Variants in SPOCK1 observed in about 807,000 individuals in gnomAD.
The protein encoded by SPOCK1 is SPARC (osteonectin), cwcv and kazal like domains proteoglycan 1, also known as testican-1.
Under a neutral mutation model 55.3 loss-of-function variants are expected in SPOCK1, and 23 were observed. The observed-to-expected ratio is 0.42, with a 90% CI of 0.30 to 0.59. The LOEUF (loss-of-function observed/expected upper bound fraction) is 0.59, where lower values mean the gene tolerates loss of function less well. SPOCK1 is among the 20% of genes least tolerant of loss of function. SPOCK1 has a pLI of 0.22. For missense variants in SPOCK1, 499 were observed against 552.5 expected, an observed-to-expected ratio of 0.90 and a Z score of 0.97; for synonymous variants, 226 against 221.0, an observed-to-expected ratio of 1.02 and a Z score of -0.20.
intron 2 of SPOCK1, among the ~76,000 whole-genome samples, chr5:137,269,907 C>T (rs1756928269): frequency 6.6e-6 from 1 of 151,792 alleles, no homozygotes; most frequent in Non-Finnish European, 1.5e-5. Flanking sequence ...GTGGCAGAGC[C>T]AGGCTTTTAA....
At chr5:137,421,775 T>C (rs542073758) in intron 2 of SPOCK1, among the ~76,000 whole-genome samples, 4 of 152,366 alleles carry the variant, frequency 2.6e-5, no homozygotes, top group South Asian at 4.1e-4. Context: ...TGTCTTTTCA[T>C]TGGAGCATTT....
At chr5:137,132,703 A>AT (rs1333755061) in intron 4 of SPOCK1, among the ~76,000 whole-genome samples, 1 of 152,236 alleles carries the variant, frequency 6.6e-6, no homozygotes, top group Non-Finnish European at 1.5e-5. Context: ...TCTCCTACAG[A>AT]TAAAACATGG....
chr5:137,034,757 A>G (rs953792904), intron 6 of SPOCK1, among the ~76,000 whole-genome samples: 3 of 152,128 alleles, frequency 2.0e-5, no homozygotes, highest in African/African-American at 7.3e-5. Flanking sequence ...CAGTCCAAAC[A>G]GGAGCCATGT....
chr5:137,433,711 G>A (rs1358048320), intron 2 of SPOCK1, among the ~76,000 whole-genome samples: 1 of 152,170 alleles, frequency 6.6e-6, no homozygotes, highest in Non-Finnish European at 1.5e-5. Context: ...GCTCCCAGAT[G>A]GAATCCAACC....
At chr5:137,417,998 C>G (rs1041770570) in intron 2 of SPOCK1, among the ~76,000 whole-genome samples, 1 of 152,112 alleles carries the variant, frequency 6.6e-6, no homozygotes, top group African/African-American at 2.4e-5. Flanking sequence ...TGTTCCCCTT[C>G]CTGTGTCCAT....
chr5:137,214,550 C>T (rs1280083197), intron 3 of SPOCK1, among the ~76,000 whole-genome samples: 1 of 151,996 alleles, frequency 6.6e-6, no homozygotes, highest in Non-Finnish European at 1.5e-5. Context: ...TCAACAACAA[C>T]GATGTCAGAT....
intron 2 of SPOCK1, among the ~76,000 whole-genome samples, chr5:137,487,266 C>T (rs1339840850): frequency 7.0e-6 from 1 of 143,320 alleles, no homozygotes; most frequent in East Asian, 2.2e-4. Context: ...GGTTGATGCT[C>T]ATAAATTTTC....
intron 3 of SPOCK1, among the ~76,000 whole-genome samples, chr5:137,206,954 G>T (rs557906121): frequency 3.9e-5 from 6 of 152,356 alleles, no homozygotes; most frequent in Admixed American, 6.5e-5. Flanking sequence ...TTTGAAATCA[G>T]CCAGGTGATT....
At chr5:137,218,873 A>G (rs1022802962) in intron 3 of SPOCK1, among the ~76,000 whole-genome samples, 2 of 152,202 alleles carry the variant, frequency 1.3e-5, no homozygotes, top group African/African-American at 4.8e-5. Flanking sequence ...ACCTGGGCAG[A>G]GGCGGCATGG....
chr5:137,180,471 C>G (rs1482263589), intron 3 of SPOCK1, among the ~76,000 whole-genome samples: 1 of 151,972 alleles, frequency 6.6e-6, no homozygotes, highest in East Asian at 1.9e-4. Flanking sequence ...CATTAGTATC[C>G]CATTTCACAG....
intron 6 of SPOCK1, among the ~76,000 whole-genome samples, chr5:137,062,525 A>AAATAATAATAAT (rs71583272): frequency 3.7e-3 from 527 of 143,458 alleles, no homozygotes; most frequent in African/African-American, 3.2e-3. Context: ...CAAGCATTAT[A>AAATAATAATAAT]AATAATAATA....
intron 2 of SPOCK1, among the ~76,000 whole-genome samples, chr5:137,418,666 A>T (rs1182370169): frequency 6.6e-6 from 1 of 151,750 alleles, no homozygotes; most frequent in African/African-American, 2.4e-5. Flanking sequence ...TTTTCTTATA[A>T]ATTTGTTTGA....
intron 4 of SPOCK1, among the ~76,000 whole-genome samples, chr5:137,137,463 T>C (rs897903112): frequency 1.3e-5 from 2 of 152,196 alleles, no homozygotes; most frequent in African/African-American, 4.8e-5. Context: ...GACTGAGTAA[T>C]TCAGCCTCTA....
chr5:137,268,588 A>G (rs1272969218), intron 2 of SPOCK1, among the ~76,000 whole-genome samples: 1 of 152,222 alleles, frequency 6.6e-6, no homozygotes, highest in African/African-American at 2.4e-5. Flanking sequence ...GATGGCAGAT[A>G]GGAAATTTAG....
At chr5:136,994,308 C>T (rs1270712104) in intron 6 of SPOCK1, among the ~76,000 whole-genome samples, 2 of 152,250 alleles carry the variant, frequency 1.3e-5, no homozygotes, top group Middle Eastern at 3.4e-3. Flanking sequence ...AGAAATGTCT[C>T]GACAGGGAGC....
chr5:137,141,107 A>T (rs964006899), intron 3 of SPOCK1, among the ~76,000 whole-genome samples: 2 of 152,154 alleles, frequency 1.3e-5, no homozygotes, highest in African/African-American at 2.4e-5. Context: ...TAAACCAACC[A>T]TGTGTTTGCC....
chr5:137,308,357 C>T (rs1041943068), intron 2 of SPOCK1, among the ~76,000 whole-genome samples: 12 of 152,322 alleles, frequency 7.9e-5, no homozygotes, highest in African/African-American at 2.6e-4. Context: ...AAAAGCATTT[C>T]TCATTCTCCT....
intron 2 of SPOCK1, among the ~76,000 whole-genome samples, chr5:137,471,399 T>C (rs558219264): frequency 2.6e-5 from 4 of 152,176 alleles, no homozygotes; most frequent in African/African-American, 9.7e-5. Context: ...AGCTTCCTTA[T>C]CTGTAAAAAT....
intron 2 of SPOCK1, among the ~76,000 whole-genome samples, chr5:137,341,044 T>C (rs935610840): frequency 1.3e-5 from 2 of 152,200 alleles, no homozygotes; most frequent in African/African-American, 4.8e-5. Flanking sequence ...CTGATCCCTC[T>C]GGCACTCCAC....
Sources: allele counts gnomAD v4.1 joint callset (sites outside exome capture counted in the v4.1 genomes callset), GRCh38; gene constraint gnomAD v4.1.1; transcripts MANE v1.5; gene names NCBI Gene and HGNC (gene_info 2026-07-23, HGNC 2026-07-21).